TACC1: variants seen among roughly 807,000 people sequenced by gnomAD.
The protein encoded by TACC1 is transforming acidic coiled-coil containing protein 1.
A neutral mutation model predicts 84.4 loss-of-function variants in TACC1; 48 were observed. That is an observed-to-expected ratio of 0.57 (90% CI 0.45 to 0.72). The LOEUF is 0.72. Ranked by LOEUF, TACC1 falls within the 30% of genes least tolerant of loss-of-function variation. The pLI, the probability that TACC1 is intolerant of heterozygous loss-of-function variation, is 0.00. For missense variants in TACC1, 920 were observed against 973.0 expected, an observed-to-expected ratio of 0.95 and a Z score of 0.72; for synonymous variants, 372 against 376.3, an observed-to-expected ratio of 0.99 and a Z score of 0.13.
At chr8:38,797,709 T>A (rs1278746928) in intron 2 of TACC1, among the ~76,000 whole-genome samples, 1 of 152,202 alleles carries the variant, frequency 6.6e-6, no homozygotes, top group African/African-American at 2.4e-5. Context: ...TTCCAGTAAT[T>A]ATTTCTGAAG....
rs1811073905 is a variant in TACC1 at position 38,760,844 on chromosome 8, T to C, written c.26+15351T>C. On this transcript the variant is annotated intron_variant, in intron 3 of 14. Transcript: ENST00000518415. ...GCCTCAGACCTAATTTTTGAAGTGG[T>C]GTATATTAGTAACACAATGGCCAGC... Among the ~76,000 whole-genome samples the C allele has an allele frequency of 5.9e-5, 9 of 152,288 alleles. No homozygotes were observed. The South Asian group carries it at 1.7e-3, about 28-fold the overall frequency.
chr8:38,793,705 C>A (rs1052418249), intron 2 of TACC1, among the ~76,000 whole-genome samples: 1 of 152,066 alleles, frequency 6.6e-6, no homozygotes, highest in Non-Finnish European at 1.5e-5. Context: ...CCTCAGCCTC[C>A]CAAAATGCTG....
At chr8:38,810,546 G>A (rs1823841995) in intron 2 of TACC1, among the ~76,000 whole-genome samples, 1 of 152,144 alleles carries the variant, frequency 6.6e-6, no homozygotes. Flanking sequence ...TGAGGCTGCA[G>A]TGACCTACGA....
chr8:38,736,897 T>C (rs766908375), intron 1 of TACC1, among the ~76,000 whole-genome samples: 3 of 152,186 alleles, frequency 2.0e-5, no homozygotes, highest in Non-Finnish European at 4.4e-5. Flanking sequence ...GATGGTCCCA[T>C]TCTGAAGCCA....
At chr8:38,839,721 G>A (rs994645281) in intron 8 of TACC1, 1 of 175,396 alleles carries the variant, frequency 5.7e-6, no homozygotes, top group African/African-American at 2.3e-5. Context: ...AACCCAAGAG[G>A]TTGATCTTTA....
intron 2 of TACC1, among the ~76,000 whole-genome samples, chr8:38,810,443 CT>C (rs1208426771): frequency 6.6e-6 from 1 of 151,492 alleles, no homozygotes; most frequent in Non-Finnish European, 1.5e-5. Flanking sequence ...TCTACAAATT[CT>C]TTTTTTTAAT....
intron 2 of TACC1, among the ~76,000 whole-genome samples, chr8:38,798,639 G>GTGTA (rs1554515623): frequency 6.7e-6 from 1 of 148,918 alleles, no homozygotes; most frequent in African/African-American, 2.5e-5. Flanking sequence ...GTGTGTGTGT[G>GTGTA]TATGTGTATT....
intron 3 of TACC1, among the ~76,000 whole-genome samples, chr8:38,745,692 C>T (rs1439203287): frequency 1.3e-5 from 2 of 152,070 alleles, no homozygotes; most frequent in East Asian, 1.9e-4. Context: ...TACAGGCGCA[C>T]GCCACCACAC....
chr8:38,733,912 G>A lies in TACC1; in HGVS notation c.-675+5241G>A, dbSNP rs546942892. Among the ~76,000 whole-genome samples, 70 of 152,302 alleles carry A rather than the reference G, an allele frequency of 4.6e-4. No homozygotes were observed. In the South Asian group the frequency reaches 0.014, roughly 31 times the overall value. ...TGGAATTTAGGAATCAGCAGTTCTGGGAGAGTTTTTTAAAATGTTGGAATT... is the reference window on the plus strand; with the variant it reads ...TGGAATTTAGGAATCAGCAGTTCTGAGAGAGTTTTTTAAAATGTTGGAATT... On this transcript the variant is annotated intron_variant, in intron 1 of 14. Coordinates refer to the TACC1 transcript ENST00000518415.
chr8:38,843,153 A>G (rs557388304), intron 10 of TACC1, 136 bp from the exon 11 acceptor site: 101 of 544,550 alleles, frequency 1.9e-4, no homozygotes, highest in Admixed American at 1.4e-3. Context: ...GGCTATTTCA[A>G]ATTACTGCAG....
intron 3 of TACC1, among the ~76,000 whole-genome samples, chr8:38,821,000 G>A (rs1158964258): frequency 2.0e-5 from 3 of 152,102 alleles, no homozygotes; most frequent in Non-Finnish European, 4.4e-5. Context: ...GAGGTCCAGA[G>A]TTTGAGACCA....
At chr8:38,840,145 A>C (rs1830955604) in intron 8 of TACC1, 79 bp from the exon 9 acceptor site, 3 of 1,069,024 alleles carry the variant, frequency 2.8e-6, no homozygotes, top group East Asian at 4.9e-5. Flanking sequence ...AATGTGTTTA[A>C]TTGTTTGGGA....
intron 2 of TACC1, among the ~76,000 whole-genome samples, chr8:38,818,461 A>G (rs1274274055): frequency 6.6e-6 from 1 of 152,212 alleles, no homozygotes; most frequent in Non-Finnish European, 1.5e-5. Flanking sequence ...CCTTCCTAAT[A>G]TTTGCAGCAC....
chr8:38,753,363 C>T (rs546190951), intron 3 of TACC1, among the ~76,000 whole-genome samples: 3 of 152,208 alleles, frequency 2.0e-5, no homozygotes, highest in South Asian at 2.1e-4. Flanking sequence ...CTTGGCCTAC[C>T]GAAGGGCTGA....
At chr8:38,754,418 C>T (rs955772149) in intron 3 of TACC1, among the ~76,000 whole-genome samples, 4 of 152,184 alleles carry the variant, frequency 2.6e-5, no homozygotes, top group Non-Finnish European at 5.9e-5. Context: ...TCAGAATAAC[C>T]GACTGGGAAT....
chr8:38,831,094 G>A (rs1829129458), intron 5 of TACC1, 31 bp from the exon 6 acceptor site: 1 of 1,612,886 alleles, frequency 6.2e-7, no homozygotes, highest in Non-Finnish European at 8.5e-7. Flanking sequence ...CGACTTCTTG[G>A]GATAACTATA....
intron 3 of TACC1, among the ~76,000 whole-genome samples, chr8:38,821,319 C>T (rs1039355007): frequency 1.3e-5 from 2 of 152,128 alleles, no homozygotes; most frequent in East Asian, 1.9e-4. Flanking sequence ...TGCTGGCCAC[C>T]GTCTTCATAC....
At chr8:38,765,577 T>A (rs766163357) in intron 3 of TACC1, among the ~76,000 whole-genome samples, 1 of 152,240 alleles carries the variant, frequency 6.6e-6, no homozygotes, top group Non-Finnish European at 1.5e-5. Flanking sequence ...TGATGGTTTT[T>A]GTCTTTTTAT....
intron 3 of TACC1, chr8:38,757,104 C>G: frequency 2.5e-6 from 1 of 404,960 alleles, no homozygotes; most frequent in Non-Finnish European, 3.8e-6. Context: ...CTCCGCATCT[C>G]CAGGCGGCAG....
Sources: gnomAD v4.1 joint callset for allele counts (sites outside exome capture counted in the v4.1 genomes callset) on GRCh38, gnomAD v4.1.1 for gene constraint, MANE v1.5 for transcripts, NCBI Gene and HGNC (gene_info 2026-07-23, HGNC 2026-07-21) for gene names.